PAN2: variants seen among roughly 807,000 people sequenced by gnomAD.
PAN2 encodes PAN2-PAN3 deadenylation complex catalytic subunit PAN2.
In PAN2, 68 loss-of-function variants were observed where a neutral mutation model predicts 133.3. That is an observed-to-expected ratio of 0.51 (90% confidence interval 0.42 to 0.62). The LOEUF is 0.62. Among genes scored for constraint, PAN2 ranks in the 20% least tolerant of loss-of-function variants. The pLI is 0.00. For synonymous variants in PAN2, 462 were observed against 544.6 expected, an observed-to-expected ratio of 0.85 and a Z score of 2.11; for missense variants, 1,042 against 1,500.5, an observed-to-expected ratio of 0.69 and a Z score of 5.05.
intron 13 of PAN2, 41 bp from the exon 14 acceptor site, chr12:56,323,954 T>C: frequency 6.2e-7 from 1 of 1,604,576 alleles, no homozygotes; most frequent in Non-Finnish European, 8.5e-7. Flanking sequence ...TTCTCCCCTC[T>C]ACCCACAGTT....
In PAN2 at chr12:56,328,640, C is replaced by A. The variant is rs764199656; in HGVS notation, c.284G>T (p.Gly95Val). 3 of 1,613,678 alleles carry A rather than the reference C, an allele frequency of 1.9e-6. No homozygotes were observed. The African/African-American group carries it at 4.0e-5, about 22-fold the overall frequency. ...TGGGCCAAAAAATGAAGTGGCATGG[C>A]CCTATAGAGGACAAAGACAACAGAG... ...EEMLWVGSHG[G>V]HATSFFGPAL... Residue 95 changes from glycine (G) to valine (V), a missense_variant and splice_region_variant, in exon 3 of 26, where the codon GGC becomes GTC. This residue lies in a region of PAN2 where 908 missense variants were observed against 1,223.5 expected (regional missense o/e 0.74). Coordinates refer to ENST00000440411, the MANE Select transcript of PAN2 (RefSeq NM_014871.6).
At position 56,327,349 on chromosome 12, in the gene PAN2, A is replaced by G. The variant is rs958234106; in HGVS notation, c.919+15T>C. 5.0e-6 allele frequency: 8 copies of G among 1,613,532 alleles called. No individual in the cohort carries two copies. The African/African-American group carries it at 8.0e-5, about 16-fold the overall frequency. On this transcript the variant is annotated intron_variant, in intron 6 of 25. Transcript: ENST00000440411. ...TCATCGATCCCTCCTACCCAATCCC[A>G]TATGCCCTTCATACCTGACTGAGAG...
chr12:56,332,874 A>T lies in PAN2; in HGVS notation c.221T>A (p.Val74Glu). 1 of 1,614,198 alleles carries T rather than the reference A, an allele frequency of 6.2e-7. No individual in the cohort carries two copies. The highest frequency in any genetic ancestry group is 8.5e-7 in the Non-Finnish European group (1 of 1,180,032). ...ELHSVVAEVG[V>E]PVSVSHFDLH... ...GTCAAAGTGGGAGACGGAAACAGGT[A>T]CACCCACTTCAGCCACCACGCTGTG... Residue 74 changes from valine to glutamate, a missense_variant, in exon 2 of 26, where the codon GTA becomes GAA. By Grantham distance (121) the Val-to-Glu change is moderately radical (BLOSUM62 -2). Around this residue, in one of 3 missense-constraint regions of PAN2, gnomAD observed 908 missense variants for 1,223.5 expected, o/e 0.74. Transcript: ENST00000440411.
At chr12:56,329,002 G>A (rs182782873) in intron 2 of PAN2, among the ~76,000 whole-genome samples, 167 of 152,220 alleles carry the variant, frequency 1.1e-3, no homozygotes, top group Middle Eastern at 3.4e-3. Context: ...CATCTGGGAG[G>A]ATGTGCATAA....
Position 56,322,490 on chromosome 12 carries a change from A to C in PAN2, c.2638-8T>G, listed in dbSNP as rs1490406475. The C allele has an allele frequency of 1.9e-6, 3 of 1,613,652 alleles. No individual in the cohort carries two copies. The highest frequency in any genetic ancestry group is 2.5e-6 in the Non-Finnish European group (3 of 1,179,628). ...CTGCTGGTGAGTAACGCCCTATGGAAATACAAAGAAAGCCTGTGGCGATAC... is the reference window on the plus strand; with the variant it reads ...CTGCTGGTGAGTAACGCCCTATGGACATACAAAGAAAGCCTGTGGCGATAC... On this transcript the variant is annotated splice_polypyrimidine_tract_variant and splice_region_variant and intron_variant, in intron 18 of 25. Transcript: ENST00000440411.
At position 56,328,396 on chromosome 12, in the gene PAN2, A is replaced by G. The variant is rs1372814417; in HGVS notation, c.453-38T>C. 3.1e-6 allele frequency: 5 copies of G among 1,596,828 alleles called. No individual in the cohort carries two copies. The South Asian group carries it at 5.6e-5, about 18-fold the overall frequency. ...GGAAAGGCTAAGGGGCCCAGGCCTT[A>G]CAAGCTGCCAATCCCTTAGCCTTCC... On this transcript the variant is annotated intron_variant, in intron 3 of 25. Transcript: ENST00000440411.
chr12:56,318,854 C>T (rs1049888347), intron 24 of PAN2, among the ~76,000 whole-genome samples: 1 of 152,148 alleles, frequency 6.6e-6, no homozygotes, highest in African/African-American at 2.4e-5. Flanking sequence ...CCCTCACCCA[C>T]CACCCCAACT....
chr12:56,322,762 T>G lies in PAN2; in HGVS notation c.2494-4A>C. ...CCTCTGCCCTGGCTGGGCCCCACTGTGAGGGGGGTACCCAGGCTGCTAAGC... is the reference window on the plus strand; with the variant it reads ...CCTCTGCCCTGGCTGGGCCCCACTGGGAGGGGGGTACCCAGGCTGCTAAGC... On this transcript the variant is annotated splice_region_variant and splice_polypyrimidine_tract_variant and intron_variant, in intron 17 of 25. Transcript: ENST00000440411. The G allele has an allele frequency of 6.2e-7, 1 of 1,605,480 alleles. No homozygotes were observed. Among genetic ancestry groups the G allele is most frequent in the South Asian group, 1.1e-5 (1 of 90,818 alleles).
chr12:56,318,158 CAG>C (rs1164700598), intron 25 of PAN2, 77 bp downstream of exon 25: 16 of 1,209,432 alleles, frequency 1.3e-5, no homozygotes, highest in Admixed American at 1.7e-5. Context: ...GCCTGGGTGA[CAG>C]AGTGAGACCC....
At position 56,319,545 on chromosome 12, in the gene PAN2, T is replaced by C. The variant is rs1193305683; in HGVS notation, c.3091-58A>G. 1.3e-6 allele frequency: 2 copies of C among 1,592,030 alleles called. No homozygotes were observed. The highest frequency in any genetic ancestry group is 1.7e-6 in the Non-Finnish European group (2 of 1,168,396). On this transcript the variant is annotated intron_variant, in intron 22 of 25. Coordinates refer to ENST00000440411, the MANE Select transcript of PAN2 (RefSeq NM_014871.6). The surrounding 1 kb of genome is among the most constrained non-coding windows in gnomAD (Gnocchi z 5.4). ...GGAAGTGAGATGGAGTCTTCCCCTA[T>C]CACTCTTCCCTGGGTTCTTGAGCAC... is the stretch of plus-strand genomic sequence containing the variant.
Position 56,328,044 on chromosome 12 carries a change from A to G in PAN2, c.602T>C (p.Ile201Thr). 1.2e-6 allele frequency: 2 copies of G among 1,614,004 alleles called. No individual in the cohort carries two copies. The highest frequency in any genetic ancestry group is 1.3e-5 in the African/African-American group (1 of 75,044). ...GAAGAAGCGATTTGTCTGTCTCATG[A>G]TGGTGACTCCAGGCGTCTCTACTGC... is the stretch of plus-strand genomic sequence containing the variant. ...KYAVETPGVT[I>T]MRQTNRFFFC... Residue 201 changes from isoleucine to threonine, a missense_variant, in exon 5 of 26, where the codon ATC becomes ACC. Physicochemically the swap from Ile to Thr is moderately conservative, Grantham distance 89. Transcript: ENST00000440411.
At position 56,323,006 on chromosome 12, in the gene PAN2, C is replaced by T. The variant is rs950436971; in HGVS notation, c.2493+56G>A. 4 of 1,605,162 alleles carry T rather than the reference C, an allele frequency of 2.5e-6. No individual in the cohort carries two copies. In the African/African-American group the frequency reaches 4.0e-5, roughly 16 times the overall value. On this transcript the variant is annotated intron_variant, in intron 17 of 25. Coordinates refer to ENST00000440411, the MANE Select transcript of PAN2 (RefSeq NM_014871.6). ...TTCACCTTCCCCTGCCCTCCTTTAC[C>T]TTCTGCCCCACCTTCTCTCCCTTAT...
rs747805607 is a variant in PAN2, at chr12:56,319,284, ACT to A, written c.3270+22_3270+23del. ...CTGAGGGGCCCACTCTCACAAGAAG[ACT>A]CTTAAAAGAGCCCTGCCAAACCATC... is the stretch of plus-strand genomic sequence containing the variant. On this transcript the variant is annotated intron_variant, in intron 23 of 25. Transcript: ENST00000440411. This position sits in a 1 kb window ranked among gnomAD's most constrained non-coding sequence, Gnocchi z 5.4. 3.7e-6 allele frequency: 6 copies of A among 1,611,276 alleles called. No individual in the cohort carries two copies. The highest frequency in any genetic ancestry group is 4.2e-6 in the Non-Finnish European group (5 of 1,178,478).
chr12:56,319,548 C>A lies in PAN2; in HGVS notation c.3091-61G>T. 2 of 1,591,270 alleles carry A rather than the reference C, an allele frequency of 1.3e-6. No individual in the cohort carries two copies. Among genetic ancestry groups the A allele is most frequent in the Non-Finnish European group, 1.7e-6 (2 of 1,168,100 alleles). On this transcript the variant is annotated intron_variant, in intron 22 of 25. Transcript: ENST00000440411. The surrounding 1 kb of genome is among the most constrained non-coding windows in gnomAD (Gnocchi z 5.4). ...AGTGAGATGGAGTCTTCCCCTATCACTCTTCCCTGGGTTCTTGAGCACTGT... is the reference window on the plus strand; with the variant it reads ...AGTGAGATGGAGTCTTCCCCTATCAATCTTCCCTGGGTTCTTGAGCACTGT...
At position 56,333,136 on chromosome 12, in the gene PAN2, C is replaced by T. The variant is rs1228437142; in HGVS notation, c.-42G>A. ...TACACCTGTGTCACACCCTCCCTTA[C>T]CACAGTCCCTTTAGATGCCTGACCC... is the stretch of plus-strand genomic sequence containing the variant. On this transcript the variant is annotated 5_prime_UTR_variant, in exon 2 of 26. Transcript: ENST00000440411. The T allele has an allele frequency of 1.3e-6, 2 of 1,599,916 alleles. No individual in the cohort carries two copies. Among genetic ancestry groups the T allele is most frequent in the African/African-American group, 1.3e-5 (1 of 74,658 alleles).
rs781750652 is a variant in PAN2, at chr12:56,332,891, C to A, written c.204G>T (p.Val68=). The change falls in exon 2 of 26, where the codon GTG becomes GTT. Residue 68 remains valine, a synonymous_variant. Coordinates refer to ENST00000440411, the MANE Select transcript of PAN2 (RefSeq NM_014871.6). ...MEGVYSELHS[V]VAEVGVPVSV... is the part of the protein sequence containing the mutation. ...AAACAGGTACACCCACTTCAGCCACCACGCTGTGCAATTCAGAGTAGACAC... is the reference window on the plus strand; with the variant it reads ...AAACAGGTACACCCACTTCAGCCACAACGCTGTGCAATTCAGAGTAGACAC... 1 of 1,614,220 alleles carries A rather than the reference C, an allele frequency of 6.2e-7. No individual in the cohort carries two copies. The highest frequency in any genetic ancestry group is 1.7e-5 in the Admixed American group (1 of 60,022).
At chr12:56,322,911 G>T in intron 17 of PAN2, 151 bp downstream of exon 17, 1 of 1,267,006 alleles carries the variant, frequency 7.9e-7, no homozygotes, top group Non-Finnish European at 1.1e-6. Context: ...ACACTGAACT[G>T]AGTGACTATG....
At chr12:56,330,792 T>C (rs575531513) in intron 2 of PAN2, among the ~76,000 whole-genome samples, 20 of 151,738 alleles carry the variant, frequency 1.3e-4, no homozygotes, top group Non-Finnish European at 2.2e-4. Context: ...CCTGGCCTCA[T>C]TGTATTTTTC....
rs560099081 is a variant in PAN2 at position 56,327,403 on chromosome 12, G to C, written c.880C>G (p.Pro294Ala). Residue 294 changes from proline (P) to alanine (A), a missense_variant, in exon 6 of 26, where the codon CCT becomes GCT. Physicochemically the swap from Pro to Ala is conservative, Grantham distance 27. This residue lies in a region of PAN2 where 908 missense variants were observed against 1,223.5 expected (regional missense o/e 0.74). Coordinates refer to ENST00000440411, the MANE Select transcript of PAN2 (RefSeq NM_014871.6). ...HVDPAFLRFI[P>A]TYTSRLAIIS... ...ATAGCAAGACGAGAAGTATATGTAG[G>C]AATGAAGCGCAAGAAGGCAGGATCC... 1 of 1,614,184 alleles carries C rather than the reference G, an allele frequency of 6.2e-7. No individual in the cohort carries two copies. Among genetic ancestry groups the C allele is most frequent in the African/African-American group, 1.3e-5 (1 of 75,052 alleles).
Sources: gnomAD v4.1 joint callset for allele counts (sites outside exome capture counted in the v4.1 genomes callset) on GRCh38, gnomAD v4.1.1 for gene constraint, gnomAD v4.1.1 regional missense constraint, Gnocchi (gnomAD v3.1) non-coding constraint, MANE v1.5 for transcripts, NCBI Gene and HGNC (gene_info 2026-07-23, HGNC 2026-07-21) for gene names.